The following RIMS2 variants were observed in gnomAD, a reference collection of about 807,000 sequenced individuals.
The protein encoded by RIMS2 is regulating synaptic membrane exocytosis protein 2.
Under a neutral mutation model 174.4 loss-of-function variants are expected in RIMS2, and 59 were observed. The ratio of observed to expected loss-of-function variants is 0.34; its 90% CI spans 0.27 to 0.42. The LOEUF (loss-of-function observed/expected upper bound fraction) is 0.42, where lower values mean the gene tolerates loss of function less well. Ranked by LOEUF, RIMS2 falls within the 10% of genes least tolerant of loss-of-function variation. RIMS2 has a pLI of 1.00. For synonymous variants in RIMS2, 606 were observed against 572.5 expected (o/e 1.06, Z -0.84); for missense variants, 1,620 against 1,666.3 (o/e 0.97, Z 0.48).
Position 104,234,273 on chromosome 8 carries a change from G to A in RIMS2, c.3335-10643G>A, listed in dbSNP as rs923673204. On this transcript the variant is annotated intron_variant, in intron 19 of 23. Transcript: ENST00000504942. Reference sequence around the variant, plus strand: ...TCATATCATCTGATTCTAAAATGGCGTGTTCATCCAACCATAAAATATTGC... The same window carrying A: ...TCATATCATCTGATTCTAAAATGGCATGTTCATCCAACCATAAAATATTGC... Among the ~76,000 whole-genome samples, 5 of 152,222 alleles carry A rather than the reference G, an allele frequency of 3.3e-5. No individual in the cohort carries two copies. In the South Asian group the frequency reaches 6.2e-4, roughly 19 times the overall value.
intron 3 of RIMS2, among the ~76,000 whole-genome samples, chr8:103,851,861 A>C (rs2099000276): frequency 6.6e-6 from 1 of 152,022 alleles, no homozygotes; most frequent in Admixed American, 6.6e-5. Flanking sequence ...TATGAAAATG[A>C]ATTGCACTTT....
At chr8:103,922,210 T>C (rs1185168932) in intron 10 of RIMS2, among the ~76,000 whole-genome samples, 3 of 151,926 alleles carry the variant, frequency 2.0e-5, no homozygotes, top group African/African-American at 7.2e-5. Context: ...TGGTGTCAGC[T>C]CATAGTAATC....
intron 19 of RIMS2, among the ~76,000 whole-genome samples, chr8:104,086,384 T>G (rs1181744538): frequency 6.6e-6 from 1 of 151,866 alleles, no homozygotes; most frequent in Non-Finnish European, 1.5e-5. Context: ...GCATAAGCTT[T>G]GCAGCTACCT....
At chr8:104,066,105 A>G (rs1404948321) in intron 19 of RIMS2, among the ~76,000 whole-genome samples, 1 of 152,122 alleles carries the variant, frequency 6.6e-6, no homozygotes, top group Non-Finnish European at 1.5e-5. Flanking sequence ...ATAAAGCCAC[A>G]CTTATTATAT....
intron 1 of RIMS2, among the ~76,000 whole-genome samples, chr8:103,627,240 C>G (rs1314929710): frequency 6.6e-6 from 1 of 152,306 alleles, no homozygotes; most frequent in East Asian, 1.9e-4. Context: ...TATAGGCTCC[C>G]TGCAAGAAGA....
At chr8:103,547,012 T>G (rs1325216716) in intron 1 of RIMS2, among the ~76,000 whole-genome samples, 1 of 152,092 alleles carries the variant, frequency 6.6e-6, no homozygotes, top group Non-Finnish European at 1.5e-5. Flanking sequence ...TGTCTTCCCC[T>G]TAGGCTTGAA....
chr8:103,531,871 A>G (rs1179683609), intron 1 of RIMS2, among the ~76,000 whole-genome samples: 2 of 152,200 alleles, frequency 1.3e-5, no homozygotes, highest in Admixed American at 1.3e-4. Flanking sequence ...TTTCTCTTAT[A>G]TCCTCTCTTT....
intron 19 of RIMS2, among the ~76,000 whole-genome samples, chr8:104,072,076 G>T (rs1598242278): frequency 6.6e-6 from 1 of 152,062 alleles, no homozygotes; most frequent in Non-Finnish European, 1.5e-5. Flanking sequence ...TTTTTAAGGG[G>T]TTCCAAAATA....
At position 104,217,783 on chromosome 8, in the gene RIMS2, C is replaced by T. The variant is rs1301563493; in HGVS notation, c.3335-27133C>T. On this transcript the variant is annotated intron_variant, in intron 19 of 23. Coordinates refer to ENST00000504942, the Ensembl canonical transcript of RIMS2. ...TTATATATTTTGGATTTCATATTCA[C>T]ATCAAGGGTAATTTCTCAAGACTAT... 2.6e-5 allele frequency among the ~76,000 whole-genome samples: 4 copies of T among 152,116 alleles called. No homozygotes were observed. The East Asian group carries it at 5.8e-4, about 22-fold the overall frequency.
intron 3 of RIMS2, among the ~76,000 whole-genome samples, chr8:103,871,784 TG>T (rs1160697476): frequency 3.3e-5 from 5 of 152,016 alleles, no homozygotes; most frequent in Non-Finnish European, 5.9e-5. Flanking sequence ...CGAAGGTGTT[TG>T]TTTTTTTTTT....
At chr8:104,178,515 T>A (rs2098919449) in intron 19 of RIMS2, among the ~76,000 whole-genome samples, 2 of 152,128 alleles carry the variant, frequency 1.3e-5, no homozygotes, top group Non-Finnish European at 2.9e-5. Context: ...GAGTCAATTA[T>A]ATTAGGCCCA....
intron 19 of RIMS2, among the ~76,000 whole-genome samples, chr8:104,151,185 A>T (rs992985177): frequency 2.0e-5 from 3 of 152,198 alleles, no homozygotes; most frequent in African/African-American, 4.8e-5. Context: ...GGATATGAGG[A>T]GGTGAAGGAG....
intron 19 of RIMS2, among the ~76,000 whole-genome samples, chr8:104,192,819 A>G (rs76323636): frequency 5.8e-4 from 88 of 152,296 alleles, no homozygotes; most frequent in African/African-American, 2.0e-3. Flanking sequence ...TGCAAGCATC[A>G]TACCAGTTGT....
chr8:103,545,053 A>C (rs1030879452), intron 1 of RIMS2, among the ~76,000 whole-genome samples: 2 of 152,248 alleles, frequency 1.3e-5, no homozygotes, highest in Non-Finnish European at 2.9e-5. Context: ...AAATGACTGC[A>C]ATGTCAGAAA....
intron 19 of RIMS2, among the ~76,000 whole-genome samples, chr8:104,235,325 T>A (rs191665607): frequency 6.6e-6 from 1 of 152,230 alleles, no homozygotes; most frequent in African/African-American, 2.4e-5. Flanking sequence ...TTGCCAAAAT[T>A]TGAGTTCAAA....
At chr8:103,724,476 C>T (rs1350318165) in intron 2 of RIMS2, among the ~76,000 whole-genome samples, 1 of 151,976 alleles carries the variant, frequency 6.6e-6, no homozygotes, top group African/African-American at 2.4e-5. Flanking sequence ...AGATGTAAAA[C>T]CATTTAATTG....
chr8:103,849,533 A>G (rs2098986111), intron 3 of RIMS2, among the ~76,000 whole-genome samples: 1 of 151,948 alleles, frequency 6.6e-6, no homozygotes, highest in South Asian at 2.1e-4. Context: ...TTGAGTGTAA[A>G]TTGCAAGGCA....
intron 2 of RIMS2, among the ~76,000 whole-genome samples, chr8:103,747,918 G>C (rs2097842371): frequency 6.6e-6 from 1 of 152,274 alleles, no homozygotes; most frequent in East Asian, 1.9e-4. Context: ...TTGTGATATA[G>C]TTTATCTTAG....
intron 1 of RIMS2, among the ~76,000 whole-genome samples, chr8:103,553,021 T>C (rs1848746988): frequency 6.6e-6 from 1 of 152,146 alleles, no homozygotes; most frequent in Non-Finnish European, 1.5e-5. Context: ...GTTCAACCAT[T>C]GTGGAAGACA....
Sources: gnomAD v4.1 joint callset for allele counts (sites outside exome capture counted in the v4.1 genomes callset) on GRCh38, gnomAD v4.1.1 for gene constraint, MANE v1.5 for transcripts, NCBI Gene and HGNC (gene_info 2026-07-23, HGNC 2026-07-21) for gene names.